PCBP3: variants seen among roughly 807,000 people sequenced by gnomAD.
PCBP3 encodes poly(rC)-binding protein 3.
A neutral mutation model predicts 52.7 loss-of-function variants in PCBP3; 25 were observed. The ratio of observed to expected loss-of-function variants is 0.47; its 90% CI spans 0.35 to 0.66. The LOEUF is 0.66. PCBP3 is among the 30% of genes least tolerant of loss of function. PCBP3 has a pLI of 0.01. For missense variants in PCBP3, 391 were observed against 490.3 expected (o/e 0.80, Z 1.91); for synonymous variants, 162 against 183.0 (o/e 0.89, Z 0.93).
intron 4 of PCBP3, among the ~76,000 whole-genome samples, chr21:45,785,430 CT>C (rs2091052808): frequency 6.7e-6 from 1 of 149,970 alleles, no homozygotes; most frequent in Non-Finnish European, 1.5e-5. Context: ...TGAGGAGCCC[CT>C]CTGCCTGGCC....
intron 3 of PCBP3, among the ~76,000 whole-genome samples, chr21:45,738,459 T>A (rs2086062687): frequency 6.6e-6 from 1 of 152,106 alleles, no homozygotes; most frequent in African/African-American, 2.4e-5. Context: ...TTTCACCGTG[T>A]TCGCCAGGAT....
At chr21:45,691,478 A>G (rs907690031) in intron 2 of PCBP3, among the ~76,000 whole-genome samples, 38 of 145,912 alleles carry the variant, frequency 2.6e-4, no homozygotes, top group East Asian at 1.6e-3. Flanking sequence ...GTGTGTGTGT[A>G]TATACATCAC....
At chr21:45,706,880 T>C (rs563763536) in intron 2 of PCBP3, among the ~76,000 whole-genome samples, 6 of 152,212 alleles carry the variant, frequency 3.9e-5, no homozygotes, top group Non-Finnish European at 8.8e-5. Context: ...TTAAAAAATA[T>C]TTCTCTCTGC....
chr21:45,710,080 A>T (rs2083728123), intron 2 of PCBP3, among the ~76,000 whole-genome samples: 1 of 152,216 alleles, frequency 6.6e-6, no homozygotes, highest in African/African-American at 2.4e-5. Context: ...ATCACTGTTC[A>T]TGGTGACCTT....
At chr21:45,847,658 C>T (rs1422637093) in intron 4 of PCBP3, among the ~76,000 whole-genome samples, 1 of 152,214 alleles carries the variant, frequency 6.6e-6, no homozygotes, top group Non-Finnish European at 1.5e-5. Flanking sequence ...CCACTGTTCA[C>T]TTACCTTGTA....
rs560642040 is a variant in PCBP3, at chr21:45,824,630, G to A, written c.-125-25331G>A. ...CTGGTCTTGTCTCTAGGGCCTGTGG[G>A]TCTTTGTGGACTGATGGTGTGGGTG... On this transcript the variant is annotated intron_variant, in intron 4 of 17. Coordinates refer to ENST00000681687, the MANE Select transcript of PCBP3 (RefSeq NM_001384156.1). 2.0e-5 allele frequency among the ~76,000 whole-genome samples: 3 copies of A among 152,326 alleles called. No homozygotes were observed. In the East Asian group the frequency reaches 5.8e-4, roughly 29 times the overall value.
At chr21:45,749,169 C>T (rs941186882) in intron 3 of PCBP3, among the ~76,000 whole-genome samples, 3 of 152,040 alleles carry the variant, frequency 2.0e-5, no homozygotes, top group African/African-American at 4.8e-5. Context: ...AAAGATGAGC[C>T]AGCATTGGAG....
At chr21:45,883,076 G>A (rs1018694100) in intron 5 of PCBP3, among the ~76,000 whole-genome samples, 4 of 152,172 alleles carry the variant, frequency 2.6e-5, no homozygotes, top group South Asian at 2.1e-4. Flanking sequence ...TGTGTCCTGC[G>A]ATTTTTGATA....
chr21:45,680,575 A>C (rs900201657), intron 2 of PCBP3, among the ~76,000 whole-genome samples: 7 of 152,156 alleles, frequency 4.6e-5, no homozygotes, highest in African/African-American at 1.7e-4. Context: ...ACATTGCTGA[A>C]CTCATTGATT....
At chr21:45,936,613 C>T (rs764338151) in intron 16 of PCBP3, among the ~76,000 whole-genome samples, 2 of 152,240 alleles carry the variant, frequency 1.3e-5, no homozygotes, top group Non-Finnish European at 2.9e-5. Flanking sequence ...GTTCCTTCAG[C>T]ATTTGGCTTC....
At chr21:45,915,419 C>T (rs2073222501) in intron 12 of PCBP3, 1 of 152,222 alleles carries the variant, frequency 6.6e-6, no homozygotes, top group Admixed American at 6.5e-5. Context: ...TCTGTGGACT[C>T]CACCTTTATG....
At chr21:45,814,550 GTGAGTGA>G (rs531855468) in intron 4 of PCBP3, among the ~76,000 whole-genome samples, 14 of 116,632 alleles carry the variant, frequency 1.2e-4, no homozygotes, top group East Asian at 2.4e-4. Context: ...TGAGTGAGTG[GTGAGTGA>G]TGAGTGATGA....
chr21:45,855,610 G>A (rs1191290849), intron 5 of PCBP3, among the ~76,000 whole-genome samples: 1 of 152,238 alleles, frequency 6.6e-6, no homozygotes, highest in East Asian at 1.9e-4. Flanking sequence ...TGCTCTCTCT[G>A]GGATTTAAAT....
chr21:45,847,672 T>C (rs2093844582), intron 4 of PCBP3, among the ~76,000 whole-genome samples: 1 of 152,238 alleles, frequency 6.6e-6, no homozygotes, highest in Non-Finnish European at 1.5e-5. Context: ...CCTTGTACAT[T>C]GCAGTCAGGA....
At chr21:45,793,640 T>C (rs935538171) in intron 4 of PCBP3, among the ~76,000 whole-genome samples, 10 of 152,114 alleles carry the variant, frequency 6.6e-5, no homozygotes, top group Admixed American at 1.3e-4. Context: ...GAGTTTCAGA[T>C]ACTGTGGACA....
chr21:45,815,049 G>GATGA (rs2092845120), intron 4 of PCBP3, among the ~76,000 whole-genome samples: 1 of 124,690 alleles, frequency 8.0e-6, no homozygotes, highest in Non-Finnish European at 1.7e-5. Flanking sequence ...AGTGGTGAGT[G>GATGA]GTGAGTGTTG....
intron 1 of PCBP3, among the ~76,000 whole-genome samples, chr21:45,655,822 A>G (rs187090934): frequency 6.6e-6 from 1 of 152,168 alleles, no homozygotes; most frequent in Non-Finnish European, 1.5e-5. Flanking sequence ...AGAAAAAAAA[A>G]CCCATCAAAA....
At chr21:45,801,232 G>A (rs963467498) in intron 4 of PCBP3, among the ~76,000 whole-genome samples, 1 of 152,196 alleles carries the variant, frequency 6.6e-6, no homozygotes, top group African/African-American at 2.4e-5. Context: ...TGTTCTGATG[G>A]CCAGCCTTGT....
At chr21:45,714,133 C>T (rs904127339) in intron 2 of PCBP3, among the ~76,000 whole-genome samples, 1 of 152,160 alleles carries the variant, frequency 6.6e-6, no homozygotes, top group South Asian at 2.1e-4. Context: ...TTGGTTGCGC[C>T]TCCATTTCCC....
Sources: gnomAD v4.1 joint callset for allele counts (sites outside exome capture counted in the v4.1 genomes callset) on GRCh38, gnomAD v4.1.1 for gene constraint, MANE v1.5 for transcripts, NCBI Gene and HGNC (gene_info 2026-07-23, HGNC 2026-07-21) for gene names.